The following PTGER3 variants were observed in gnomAD, a reference collection of about 807,000 sequenced individuals.
PTGER3 encodes prostaglandin E receptor 3.
Under a neutral mutation model 34.7 loss-of-function variants are expected in PTGER3, and 22 were observed. The observed-to-expected ratio is 0.63, with a 90% confidence interval of 0.45 to 0.91. PTGER3 has a LOEUF of 0.91. Among genes scored for constraint, PTGER3 ranks in the 40% least tolerant of loss-of-function variants. The pLI, the probability that PTGER3 is intolerant of heterozygous loss-of-function variation, is 0.00. For synonymous variants in PTGER3, 241 were observed against 230.1 expected, an observed-to-expected ratio of 1.05 and a Z score of -0.43; for missense variants, 468 against 519.4, an observed-to-expected ratio of 0.90 and a Z score of 0.96.
intron 4 of PTGER3, among the ~76,000 whole-genome samples, chr1:70,923,352 T>A (rs956098678): frequency 2.0e-5 from 3 of 152,188 alleles, no homozygotes; most frequent in Admixed American, 2.0e-4. Flanking sequence ...GCCACAGAAG[T>A]GACCAAATTT....
intron 4 of PTGER3, among the ~76,000 whole-genome samples, chr1:70,904,541 C>G (rs574639004): frequency 6.6e-6 from 1 of 152,262 alleles, no homozygotes; most frequent in South Asian, 2.1e-4. Flanking sequence ...AGATGAGGAA[C>G]TTTTTGGGAA....
intron 1 of PTGER3, among the ~76,000 whole-genome samples, chr1:71,020,097 C>A (rs1658266732): frequency 6.6e-6 from 1 of 152,124 alleles, no homozygotes; most frequent in South Asian, 2.1e-4. Flanking sequence ...GAAGGATTTG[C>A]ATGGGAAGAA....
At chr1:70,981,364 TTTCTTTC>T in intron 2 of PTGER3, among the ~76,000 whole-genome samples, 1 of 115,466 alleles carries the variant, frequency 8.7e-6, no homozygotes, top group South Asian at 3.3e-4. Flanking sequence ...TCTTTCTTTC[TTTCTTTC>T]TTTCTTTCTT....
At chr1:70,884,500 C>T (rs1406339180) in intron 4 of PTGER3, among the ~76,000 whole-genome samples, 1 of 152,170 alleles carries the variant, frequency 6.6e-6, no homozygotes, top group South Asian at 2.1e-4. Flanking sequence ...GGAGCAAGAG[C>T]AGCAGCAGCA....
At chr1:70,863,106 C>T (rs1474635089) in intron 4 of PTGER3, among the ~76,000 whole-genome samples, 1 of 151,226 alleles carries the variant, frequency 6.6e-6, no homozygotes, top group African/African-American at 2.4e-5. Flanking sequence ...GATGATGGGC[C>T]ATAACATGAG....
chr1:70,916,844 AT>A (rs1040625640), intron 4 of PTGER3, among the ~76,000 whole-genome samples: 4 of 151,828 alleles, frequency 2.6e-5, no homozygotes, highest in African/African-American at 7.3e-5. Flanking sequence ...AAAGTTGAAA[AT>A]TTTTTTTAAA....
chr1:70,920,748 T>C (rs1186272366), intron 4 of PTGER3, among the ~76,000 whole-genome samples: 1 of 152,216 alleles, frequency 6.6e-6, no homozygotes, highest in African/African-American at 2.4e-5. Context: ...AATGTTTCTG[T>C]TTTCCCTTCT....
At chr1:70,984,139 C>T (rs370180206) in intron 2 of PTGER3, among the ~76,000 whole-genome samples, 14 of 152,110 alleles carry the variant, frequency 9.2e-5, no homozygotes, top group African/African-American at 3.4e-4. Flanking sequence ...GTAATCCCAG[C>T]ACCTTTGGAG....
At chr1:70,931,325 G>A (rs990423652) in intron 4 of PTGER3, among the ~76,000 whole-genome samples, 21 of 152,144 alleles carry the variant, frequency 1.4e-4, no homozygotes, top group African/African-American at 5.1e-4. Context: ...AGCTTTTCCA[G>A]GTGCACAGTC....
intron 2 of PTGER3, among the ~76,000 whole-genome samples, chr1:70,975,572 C>G (rs936650613): frequency 1.3e-5 from 2 of 152,056 alleles, no homozygotes; most frequent in African/African-American, 4.8e-5. Flanking sequence ...AGTGGCATGG[C>G]ATTATACAAG....
At chr1:70,933,084 A>T (rs764058274) in intron 4 of PTGER3, among the ~76,000 whole-genome samples, 16 of 152,170 alleles carry the variant, frequency 1.1e-4, no homozygotes, top group Admixed American at 7.2e-4. Flanking sequence ...TAACTAGACC[A>T]TGAGCTCCTA....
intron 4 of PTGER3, among the ~76,000 whole-genome samples, chr1:70,868,779 A>C (rs1489696845): frequency 2.0e-5 from 3 of 152,220 alleles, no homozygotes; most frequent in Non-Finnish European, 4.4e-5. Context: ...CAGAAGAATG[A>C]ACCTCAAAAG....
chr1:70,892,153 A>G (rs1646631227), intron 4 of PTGER3, among the ~76,000 whole-genome samples: 1 of 152,176 alleles, frequency 6.6e-6, no homozygotes, highest in African/African-American at 2.4e-5. Context: ...TTTCAGGGGG[A>G]AAGAAAGCTT....
At chr1:70,941,076 T>C (rs1649712968) in intron 4 of PTGER3, among the ~76,000 whole-genome samples, 1 of 152,212 alleles carries the variant, frequency 6.6e-6, no homozygotes, top group South Asian at 2.1e-4. Context: ...ATATACTTGA[T>C]AGATACTTGC....
At chr1:70,940,572 G>A (rs889313323) in intron 4 of PTGER3, among the ~76,000 whole-genome samples, 7 of 152,170 alleles carry the variant, frequency 4.6e-5, no homozygotes, top group Non-Finnish European at 8.8e-5. Context: ...ATGGCAGGAG[G>A]TGGAAGACAC....
chr1:71,035,539 A>G (rs1329171323), intron 1 of PTGER3, among the ~76,000 whole-genome samples: 1 of 152,192 alleles, frequency 6.6e-6, no homozygotes, highest in Non-Finnish European at 1.5e-5. Flanking sequence ...TAATGTCTCT[A>G]CATCTCCATC....
At chr1:70,931,373 G>A (rs1648677995) in intron 4 of PTGER3, among the ~76,000 whole-genome samples, 1 of 152,192 alleles carries the variant, frequency 6.6e-6, no homozygotes, top group South Asian at 2.1e-4. Flanking sequence ...GGGTCTGGAG[G>A]ACGTCTGCCC....
intron 4 of PTGER3, among the ~76,000 whole-genome samples, chr1:70,887,523 A>T (rs1191301289): frequency 1.3e-5 from 2 of 152,018 alleles, no homozygotes; most frequent in African/African-American, 4.8e-5. Flanking sequence ...ATAGTTTTTG[A>T]TATTTTTTTT....
chr1:70,995,968 T>C (rs1454671039), intron 2 of PTGER3, among the ~76,000 whole-genome samples: 1 of 152,164 alleles, frequency 6.6e-6, no homozygotes, highest in East Asian at 1.9e-4. Context: ...AATTTATAGA[T>C]GAGTAAACAG....
Sources: gnomAD v4.1 joint callset for allele counts (sites outside exome capture counted in the v4.1 genomes callset) on GRCh38, gnomAD v4.1.1 for gene constraint, MANE v1.5 for transcripts, NCBI Gene and HGNC (gene_info 2026-07-23, HGNC 2026-07-21) for gene names.